Variants in ADAMTS17 observed in about 807,000 individuals in gnomAD.
ADAMTS17 encodes A disintegrin and metalloproteinase with thrombospondin motifs 17.
A neutral mutation model predicts 141.5 loss-of-function variants in ADAMTS17; 113 were observed. The observed-to-expected ratio is 0.80, with a 90% CI of 0.69 to 0.93. The LOEUF is 0.93. Among genes scored for constraint, ADAMTS17 ranks in the 40% least tolerant of loss-of-function variants. The probability of loss-of-function intolerance (pLI) is 0.00; values close to 1 mark genes in which losing one functional copy is unlikely to be tolerated. For missense variants in ADAMTS17, 1,659 were observed against 1,517.9 expected (o/e 1.09, Z -1.54); for synonymous variants, 768 against 630.6 (o/e 1.22, Z -3.27).
intron 15 of ADAMTS17, among the ~76,000 whole-genome samples, chr15:100,076,192 A>C (rs1295566424): frequency 6.6e-6 from 1 of 151,964 alleles, no homozygotes; most frequent in Non-Finnish European, 1.5e-5. Context: ...ACAGGCGCCC[A>C]CCACCATGCA....
At chr15:100,291,724 C>T (rs1023659128) in intron 3 of ADAMTS17, among the ~76,000 whole-genome samples, 3 of 152,220 alleles carry the variant, frequency 2.0e-5, no homozygotes, top group South Asian at 4.1e-4. Context: ...TCATCCTAAG[C>T]GAACTAACAC....
intron 11 of ADAMTS17, 109 bp downstream of exon 11, chr15:100,133,105 G>T (rs1203327590): frequency 5.6e-6 from 6 of 1,074,132 alleles, no homozygotes; most frequent in Admixed American, 4.2e-5. Context: ...CCGCCTGGGG[G>T]ATGTTTCAGG....
At chr15:100,028,905 T>A (rs1304956492) in intron 18 of ADAMTS17, among the ~76,000 whole-genome samples, 1 of 152,248 alleles carries the variant, frequency 6.6e-6, no homozygotes, top group Admixed American at 6.5e-5. Flanking sequence ...TTAACAGGCA[T>A]CTCCTTCTCA....
At chr15:99,986,093 T>A (rs776892745) in intron 20 of ADAMTS17, among the ~76,000 whole-genome samples, 1 of 151,120 alleles carries the variant, frequency 6.6e-6, no homozygotes, top group Non-Finnish European at 1.5e-5. Flanking sequence ...TGAACTGAAG[T>A]GGCTTGGCCA....
intron 3 of ADAMTS17, among the ~76,000 whole-genome samples, chr15:100,292,190 G>A (rs72757224): frequency 0.068 from 10,177 of 148,696 alleles, 350 homozygotes; most frequent in African/African-American, 0.11. Flanking sequence ...CGCTCACCCC[G>A]TGGGGAATCA....
At chr15:100,149,864 G>A (rs890880784) in intron 10 of ADAMTS17, among the ~76,000 whole-genome samples, 1 of 152,138 alleles carries the variant, frequency 6.6e-6, no homozygotes, top group Non-Finnish European at 1.5e-5. Flanking sequence ...TAACAATCGT[G>A]ACATTTTCTC....
chr15:100,242,940 T>G (rs1195745874), intron 7 of ADAMTS17, among the ~76,000 whole-genome samples: 1 of 152,204 alleles, frequency 6.6e-6, no homozygotes, highest in Non-Finnish European at 1.5e-5. Context: ...ACTTTTCATC[T>G]TCCTCAACTA....
intron 9 of ADAMTS17, among the ~76,000 whole-genome samples, chr15:100,154,001 C>T (rs142067305): frequency 4.6e-5 from 7 of 152,278 alleles, no homozygotes; most frequent in East Asian, 1.9e-4. Flanking sequence ...GCCAACATGG[C>T]GAAACCCCAT....
intron 15 of ADAMTS17, among the ~76,000 whole-genome samples, chr15:100,063,432 C>T (rs2033271257): frequency 6.6e-6 from 1 of 152,188 alleles, no homozygotes; most frequent in African/African-American, 2.4e-5. Context: ...TATGATCCTC[C>T]TTCCTGTCCC....
chr15:100,279,983 T>C (rs2044227554), intron 4 of ADAMTS17, among the ~76,000 whole-genome samples: 1 of 152,176 alleles, frequency 6.6e-6, no homozygotes. Flanking sequence ...TCCCAGGTCG[T>C]TGCCCCATCC....
At chr15:100,022,922 G>A (rs2061431230) in intron 18 of ADAMTS17, among the ~76,000 whole-genome samples, 1 of 152,164 alleles carries the variant, frequency 6.6e-6, no homozygotes, top group South Asian at 2.1e-4. Context: ...ATGCTTTTGA[G>A]ACTTTTGCTC....
At chr15:100,060,367 G>A (rs1273659974) in intron 15 of ADAMTS17, among the ~76,000 whole-genome samples, 3 of 152,194 alleles carry the variant, frequency 2.0e-5, no homozygotes, top group African/African-American at 7.2e-5. Flanking sequence ...GAGGTTACAT[G>A]CAGAACGTCC....
At chr15:100,045,228 A>C (rs1228014483) in intron 18 of ADAMTS17, among the ~76,000 whole-genome samples, 1 of 152,206 alleles carries the variant, frequency 6.6e-6, no homozygotes, top group Admixed American at 6.5e-5. Flanking sequence ...AATCAAAGTA[A>C]TCACGTTAAA....
chr15:100,202,415 G>C (rs1482472565), intron 7 of ADAMTS17, among the ~76,000 whole-genome samples: 1 of 152,284 alleles, frequency 6.6e-6, no homozygotes, highest in South Asian at 2.1e-4. Flanking sequence ...GTCGTGACCA[G>C]CCTGGTCATA....
chr15:100,156,181 A>T (rs993578102), intron 8 of ADAMTS17, among the ~76,000 whole-genome samples: 6 of 152,360 alleles, frequency 3.9e-5, no homozygotes, highest in Non-Finnish European at 8.8e-5. Context: ...GGGAGAAGAG[A>T]TGAACACTGA....
At chr15:100,002,522 G>A (rs1451351952) in intron 18 of ADAMTS17, among the ~76,000 whole-genome samples, 2 of 152,036 alleles carry the variant, frequency 1.3e-5, no homozygotes, top group Non-Finnish European at 2.9e-5. Flanking sequence ...AGAGCTGGGC[G>A]AGGCTCAGCA....
intron 4 of ADAMTS17, among the ~76,000 whole-genome samples, chr15:100,267,094 C>T (rs1357843298): frequency 6.6e-6 from 1 of 152,110 alleles, no homozygotes; most frequent in Non-Finnish European, 1.5e-5. Context: ...GTACAATTAA[C>T]CTCCAGGACT....
intron 8 of ADAMTS17, among the ~76,000 whole-genome samples, chr15:100,165,803 G>A (rs550580633): frequency 1.2e-4 from 19 of 152,354 alleles, no homozygotes; most frequent in African/African-American, 4.1e-4. Flanking sequence ...TGAAAAGGCT[G>A]TAGGATGTTA....
chr15:100,070,991 A>T (rs1345552974), intron 15 of ADAMTS17, among the ~76,000 whole-genome samples: 1 of 150,228 alleles, frequency 6.7e-6, no homozygotes, highest in Non-Finnish European at 1.5e-5. Context: ...TTGACAGACC[A>T]CTAGCAAGAC....
Sources: gnomAD v4.1 joint callset for allele counts (sites outside exome capture counted in the v4.1 genomes callset) on GRCh38, gnomAD v4.1.1 for gene constraint, MANE v1.5 for transcripts, NCBI Gene and HGNC (gene_info 2026-07-23, HGNC 2026-07-21) for gene names.